The following CLMN variants were observed in gnomAD, a reference collection of about 807,000 sequenced individuals.
CLMN encodes the protein calmin (calponin-like, transmembrane).
In CLMN, 57 loss-of-function variants were observed where a neutral mutation model predicts 92.7. The observed-to-expected ratio is 0.61, with a 90% CI of 0.50 to 0.77. The LOEUF is 0.77. Among genes scored for constraint, CLMN ranks in the 30% least tolerant of loss-of-function variants. CLMN has a pLI of 0.00. For missense variants in CLMN, 1,158 were observed against 1,237.5 expected (o/e 0.94, Z 0.96); for synonymous variants, 466 against 470.6 (o/e 0.99, Z 0.13).
At chr14:95,261,313 G>A (rs779325287) in intron 1 of CLMN, among the ~76,000 whole-genome samples, 6 of 152,206 alleles carry the variant, frequency 3.9e-5, no homozygotes, top group Non-Finnish European at 5.9e-5. Flanking sequence ...GAACGTGCGC[G>A]TCTGGCTGCT....
chr14:95,313,795 T>C (rs8004642), intron 1 of CLMN, among the ~76,000 whole-genome samples: 22,732 of 152,318 alleles, frequency 0.15, 2,045 homozygotes, highest in Non-Finnish European at 0.2. Flanking sequence ...ATCTATGGCT[T>C]GTCGGGCAGA....
At chr14:95,204,555 A>C in intron 8 of CLMN, 92 bp from the exon 9 acceptor site, 1 of 1,203,032 alleles carries the variant, frequency 8.3e-7, no homozygotes, top group Non-Finnish European at 1.1e-6. Flanking sequence ...AAGAATATTT[A>C]AGTACAACCC....
rs962001538 is a variant in CLMN at position 95,189,646 on chromosome 14, C to T, written c.*1918G>A. On this transcript the variant is annotated 3_prime_UTR_variant, in exon 13 of 13. Coordinates refer to ENST00000298912, the MANE Select transcript of CLMN (RefSeq NM_024734.4). Reference sequence around the variant, plus strand: ...GATTCACATTTGGGTTGGCTCTTCCCAGGCTCTTCGAGCATCTAATTTAGG... The same window carrying T: ...GATTCACATTTGGGTTGGCTCTTCCTAGGCTCTTCGAGCATCTAATTTAGG... The T allele has an allele frequency of 1.1e-4, 16 of 152,226 alleles. No individual in the cohort carries two copies. Among genetic ancestry groups the T allele is most frequent in the African/African-American group, 3.6e-4 (15 of 41,462 alleles). 9.4% of individuals were successfully genotyped at this position (152,226 alleles called of 1,614,324 possible). A position where few individuals can be genotyped will look rare whatever the true frequency, so the allele number is the denominator to read the frequency against.
chr14:95,279,122 AAATT>A (rs1900046215), intron 1 of CLMN, among the ~76,000 whole-genome samples: 4 of 152,252 alleles, frequency 2.6e-5, no homozygotes, highest in Admixed American at 2.6e-4. Context: ...GGCTTAAAGA[AAATT>A]AAGTGCTTAA....
chr14:95,189,800 T>C lies in CLMN; in HGVS notation c.*1764A>G, dbSNP rs1896520747. 6.6e-6 allele frequency: 1 copy of C among 152,218 alleles called. No individual in the cohort carries two copies. Among genetic ancestry groups the C allele is most frequent in the African/African-American group, 2.4e-5 (1 of 41,458 alleles). 9.4% of individuals were successfully genotyped at this position (152,218 alleles called of 1,614,324 possible). A position where few individuals can be genotyped will look rare whatever the true frequency, so the allele number is the denominator to read the frequency against. On this transcript the variant is annotated 3_prime_UTR_variant, in exon 13 of 13. Transcript: ENST00000298912. ...TCCATGGGGCTCTTGGCCTTCCAGA[T>C]GGAATCACTCCAAGCTCCCAGCAGC... is the stretch of plus-strand genomic sequence containing the variant.
intron 1 of CLMN, among the ~76,000 whole-genome samples, chr14:95,290,988 C>A (rs138693016): frequency 6.6e-6 from 1 of 152,216 alleles, no homozygotes; most frequent in Non-Finnish European, 1.5e-5. Context: ...TTGCCAGGAA[C>A]GCAGCTGCTG....
intron 6 of CLMN, among the ~76,000 whole-genome samples, chr14:95,212,554 TTTA>T (rs1897227978): frequency 6.6e-6 from 1 of 152,142 alleles, no homozygotes; most frequent in African/African-American, 2.4e-5. Flanking sequence ...TGTTACAGCC[TTTA>T]TTATTACTAT....
At chr14:95,265,977 C>T (rs983512118) in intron 1 of CLMN, among the ~76,000 whole-genome samples, 22 of 152,204 alleles carry the variant, frequency 1.4e-4, no homozygotes, top group African/African-American at 4.3e-4. Flanking sequence ...AAGCCACCGT[C>T]GAGGCACAAG....
In CLMN at chr14:95,305,533, C is replaced by T. The variant is rs112460298; in HGVS notation, c.82+14178G>A. ...AAGCAGAACAAAGAGCAAAAGGGAT[C>T]AAAAAATAGAAAAGGTAAGAGAATT... is the stretch of plus-strand genomic sequence containing the variant. On this transcript the variant is annotated intron_variant, in intron 1 of 12. Transcript: ENST00000298912. Among the ~76,000 whole-genome samples, 134 of 152,052 alleles carry T rather than the reference C, an allele frequency of 8.8e-4. 1 individual carries two copies. Among genetic ancestry groups the T allele is most frequent in the African/African-American group, 3.1e-3 (127 of 41,470 alleles).
intron 1 of CLMN, among the ~76,000 whole-genome samples, chr14:95,277,681 G>T (rs1899987534): frequency 6.6e-6 from 1 of 152,172 alleles, no homozygotes; most frequent in African/African-American, 2.4e-5. Context: ...AGGCCAGAGT[G>T]CAGTGGCACG....
chr14:95,211,956 A>G (rs561455576), intron 6 of CLMN, among the ~76,000 whole-genome samples: 75 of 152,198 alleles, frequency 4.9e-4, no homozygotes, highest in Non-Finnish European at 9.4e-4. Flanking sequence ...CTATCACCCC[A>G]AGACACTTCC....
At chr14:95,313,339 G>A (rs1156817725) in intron 1 of CLMN, among the ~76,000 whole-genome samples, 1 of 152,140 alleles carries the variant, frequency 6.6e-6, no homozygotes, top group Non-Finnish European at 1.5e-5. Flanking sequence ...CATATTTTTG[G>A]TTTTGTGGGT....
intron 6 of CLMN, among the ~76,000 whole-genome samples, chr14:95,211,763 C>T (rs1347296711): frequency 1.3e-5 from 2 of 152,148 alleles, no homozygotes; most frequent in Non-Finnish European, 2.9e-5. Flanking sequence ...CCCCAGCTTC[C>T]TCCAGTGACA....
chr14:95,276,187 A>G (rs1595086006), intron 1 of CLMN, among the ~76,000 whole-genome samples: 1 of 152,208 alleles, frequency 6.6e-6, no homozygotes, highest in African/African-American at 2.4e-5. Flanking sequence ...GTGTTTGGGT[A>G]TTTTACCCTG....
chr14:95,235,690 G>C (rs917552565), intron 1 of CLMN, among the ~76,000 whole-genome samples: 1 of 152,192 alleles, frequency 6.6e-6, no homozygotes, highest in African/African-American at 2.4e-5. Flanking sequence ...ATTCTCATGA[G>C]AGGTGTTTTG....
At chr14:95,240,694 G>A (rs969008228) in intron 1 of CLMN, among the ~76,000 whole-genome samples, 3 of 152,186 alleles carry the variant, frequency 2.0e-5, no homozygotes, top group Admixed American at 6.5e-5. Flanking sequence ...TAGGCAAAGC[G>A]CAAGGAAGGA....
At position 95,190,540 on chromosome 14, in the gene CLMN, G is replaced by A. The variant is rs1178212187; in HGVS notation, c.*1024C>T. The A allele has an allele frequency of 2.0e-5, 3 of 152,588 alleles. No homozygotes were observed. The highest frequency in any genetic ancestry group is 7.2e-5 in the African/African-American group (3 of 41,458). The allele number at this position is 152,588 out of a possible 1,614,324, so 9.5% of individuals were successfully genotyped here. A position where few individuals can be genotyped will look rare whatever the true frequency, so the allele number is the denominator to read the frequency against. On this transcript the variant is annotated 3_prime_UTR_variant, in exon 13 of 13. Transcript: ENST00000298912. ...AGAGCAGAGGGAGCCTGGGGCTGAG[G>A]AAGACTGGGGGCAGGGGTGCTAGAG...
intron 1 of CLMN, among the ~76,000 whole-genome samples, chr14:95,299,012 TATATGTTTATTCATTC>T (rs1419719915): frequency 1.3e-5 from 2 of 152,372 alleles, no homozygotes; most frequent in East Asian, 1.9e-4. Flanking sequence ...TTCATTTATT[TATATGTTTATTCATTC>T]ATATGTTTAT....
intron 1 of CLMN, among the ~76,000 whole-genome samples, chr14:95,288,310 G>T (rs1251342974): frequency 6.6e-6 from 1 of 152,216 alleles, no homozygotes; most frequent in Admixed American, 6.5e-5. Context: ...GGCACCTAAT[G>T]AGGTTTTGGG....
Sources: allele counts gnomAD v4.1 joint callset (sites outside exome capture counted in the v4.1 genomes callset), GRCh38; gene constraint gnomAD v4.1.1; transcripts MANE v1.5; gene names NCBI Gene and HGNC (gene_info 2026-07-23, HGNC 2026-07-21).